Variants in COL5A1 observed in about 807,000 individuals in gnomAD.
COL5A1 encodes the protein collagen type V alpha 1 chain.
COL5A1 carries 16 observed loss-of-function variants against 263.7 expected under a neutral mutation model. The ratio of observed to expected loss-of-function variants is 0.06; its 90% CI spans 0.04 to 0.09. COL5A1 has a LOEUF of 0.09. Among genes scored for constraint, COL5A1 ranks in the 10% least tolerant of loss-of-function variants. The pLI is 1.00. For synonymous variants in COL5A1, 1,012 were observed against 1,004.5 expected, an observed-to-expected ratio of 1.01 and a Z score of -0.14; for missense variants, 2,036 against 2,540.5, an observed-to-expected ratio of 0.80 and a Z score of 4.27.
At chr9:134,835,288 C>A in intron 65 of COL5A1, 84 bp downstream of exon 65, 2 of 1,271,354 alleles carry the variant, frequency 1.6e-6, no homozygotes, top group Non-Finnish European at 2.2e-6. Context: ...TACCTGTCCC[C>A]AAGATGCCTG....
chr9:134,752,653 A>T lies in COL5A1; in HGVS notation c.1719+8A>T, dbSNP rs747192480. On this transcript the variant is annotated splice_region_variant and intron_variant, in intron 14 of 65. Transcript: ENST00000371817. ...GGGAGACCTGGCCCTGTGGTAAGTC[A>T]TTGGCAAATCTGAGAGCTGGGCGTG... The T allele has an allele frequency of 1.2e-6, 2 of 1,610,226 alleles. No homozygotes were observed. Among genetic ancestry groups the T allele is most frequent in the South Asian group, 1.1e-5 (1 of 90,984 alleles).
chr9:134,758,144 G>C lies in COL5A1; in HGVS notation c.1882-99G>C. 8.2e-7 allele frequency: 1 copy of C among 1,216,928 alleles called. No homozygotes were observed. Among genetic ancestry groups the C allele is most frequent in the Admixed American group, 1.7e-5 (1 of 59,216 alleles). The allele number at this position is 1,216,928 out of a possible 1,614,324, so 75.4% of individuals were successfully genotyped here. ...AGGGTGCATAGATGCTGTGTGAAAC[G>C]TGGTCCAAGGCGGGGCGGCCATCAC... On this transcript the variant is annotated intron_variant, in intron 17 of 65. Coordinates refer to ENST00000371817, the MANE Select transcript of COL5A1 (RefSeq NM_000093.5). The surrounding 1 kb of genome is among the most constrained non-coding windows in gnomAD (Gnocchi z 4.1).
intron 32 of COL5A1, among the ~76,000 whole-genome samples, chr9:134,790,046 C>A (rs1053861401): frequency 3.9e-5 from 6 of 152,180 alleles, no homozygotes; most frequent in Non-Finnish European, 5.9e-5. Context: ...TGCCTTGTAG[C>A]CCCAGCCATG....
chr9:134,720,022 T>C (rs1834397162), intron 4 of COL5A1, among the ~76,000 whole-genome samples: 1 of 152,138 alleles, frequency 6.6e-6, no homozygotes, highest in South Asian at 2.1e-4. Context: ...TCAGGCTGCT[T>C]GGAGGTTCTT....
intron 39 of COL5A1, among the ~76,000 whole-genome samples, chr9:134,803,331 C>T (rs904522645): frequency 2.6e-5 from 4 of 152,154 alleles, no homozygotes; most frequent in African/African-American, 4.8e-5. Flanking sequence ...AGAAAGTGGT[C>T]CTTTTAAAAA....
At chr9:134,780,278 T>C in intron 28 of COL5A1, 132 bp downstream of exon 28, 4 of 868,872 alleles carry the variant, frequency 4.6e-6, no homozygotes, top group Non-Finnish European at 7.8e-6. Context: ...CTGAGGGGGA[T>C]GGATGCCACT....
At chr9:134,644,590 G>A (rs868033045) in intron 1 of COL5A1, among the ~76,000 whole-genome samples, 2 of 70,820 alleles carry the variant, frequency 2.8e-5, no homozygotes, top group South Asian at 3.1e-4. Flanking sequence ...AGGCAGGCGC[G>A]GGGGGGAGCC....
At chr9:134,771,392 A>G (rs1388749528) in intron 25 of COL5A1, among the ~76,000 whole-genome samples, 1 of 152,190 alleles carries the variant, frequency 6.6e-6, no homozygotes, top group South Asian at 2.1e-4. Context: ...TGTTTCCGGA[A>G]GGCGGCGTGG....
At chr9:134,812,847 CCT>C (rs759377992) in intron 48 of COL5A1, 135 bp downstream of exon 48, 34 of 723,786 alleles carry the variant, frequency 4.7e-5, no homozygotes, top group Non-Finnish European at 6.7e-5. Flanking sequence ...CGTGTGTGTA[CCT>C]CTCTGTGTGT....
Position 134,843,864 on chromosome 9 carries a change from A to G in COL5A1, c.*1561A>G, listed in dbSNP as rs1830171548. Reference sequence around the variant, plus strand: ...AGTAGCCTATTTGGATTCCCATCTCAAATGTCCTGGATGCGAGCGTCAGCG... The same window carrying G: ...AGTAGCCTATTTGGATTCCCATCTCGAATGTCCTGGATGCGAGCGTCAGCG... On this transcript the variant is annotated 3_prime_UTR_variant, in exon 66 of 66. Coordinates refer to ENST00000371817, the MANE Select transcript of COL5A1 (RefSeq NM_000093.5). The G allele has an allele frequency of 6.6e-6, 1 of 152,578 alleles. No individual in the cohort carries two copies. The highest frequency in any genetic ancestry group is 2.4e-5 in the African/African-American group (1 of 41,434). The allele number at this position is 152,578 out of a possible 1,614,324, so 9.5% of individuals were successfully genotyped here.
At position 134,761,949 on chromosome 9, in the gene COL5A1, C is replaced by T. The variant is rs1227415768; in HGVS notation, c.1960C>T (p.Pro654Ser). The T allele has an allele frequency of 1.9e-6, 3 of 1,613,400 alleles. No individual in the cohort carries two copies. Among genetic ancestry groups the T allele is most frequent in the African/African-American group, 2.7e-5 (2 of 74,916 alleles). Residue 654 changes from proline to serine, a missense_variant, in exon 19 of 66, where the codon CCA becomes TCA. This residue lies in a region of COL5A1 where 1,078 missense variants were observed against 1,521.4 expected (regional missense o/e 0.71). Coordinates refer to ENST00000371817, the MANE Select transcript of COL5A1 (RefSeq NM_000093.5). ...GGGTGACCCTGGTCCTTCCGGCCCA[C>T]CAGGACCTCCGGGAGACGATGGAGA... is the stretch of plus-strand genomic sequence containing the variant. ...HRGDPGPSGP[P>S]GPPGDDGERG...
chr9:134,814,164 G>C, intron 49 of COL5A1, 128 bp downstream of exon 49: 1 of 925,058 alleles, frequency 1.1e-6, no homozygotes, highest in Admixed American at 2.3e-5. Flanking sequence ...AACCCCTCTT[G>C]TGCCCATTTC....
intron 18 of COL5A1, among the ~76,000 whole-genome samples, chr9:134,761,124 CT>C (rs757640876): frequency 7.3e-5 from 11 of 150,654 alleles, no homozygotes; most frequent in Non-Finnish European, 1.5e-4. Context: ...CACATGCACA[CT>C]CATACCCCCA....
intron 62 of COL5A1, 104 bp from the exon 63 acceptor site, chr9:134,825,688 G>T (rs1002895372): frequency 1.4e-6 from 1 of 731,424 alleles, no homozygotes; most frequent in Non-Finnish European, 2.5e-6. Flanking sequence ...TTCCTGGGGC[G>T]TGCATTTTAA....
intron 1 of COL5A1, among the ~76,000 whole-genome samples, chr9:134,654,823 A>C (rs1190481282): frequency 9.7e-6 from 1 of 102,860 alleles, no homozygotes; most frequent in Non-Finnish European, 1.9e-5. Context: ...CGGGGTTTGT[A>C]GTGCTGGTGG....
chr9:134,643,921 G>A (rs1345646560), intron 1 of COL5A1, among the ~76,000 whole-genome samples: 3 of 152,052 alleles, frequency 2.0e-5, no homozygotes, highest in African/African-American at 4.8e-5. Context: ...TTCCCTCCCT[G>A]CCCATCTCCC....
rs901290605 is a variant in COL5A1 at position 134,754,749 on chromosome 9, G to A, written c.1827+423G>A. 1.3e-5 allele frequency among the ~76,000 whole-genome samples: 2 copies of A among 152,120 alleles called. No individual in the cohort carries two copies. The highest frequency in any genetic ancestry group is 2.9e-5 in the Non-Finnish European group (2 of 68,028). ...GCTGTCTTGCCTCCTGGAATTTTCT[G>A]TCTGGTGCATGGTTCTCCTGGATGG... On this transcript the variant is annotated intron_variant, in intron 16 of 65. Coordinates refer to ENST00000371817, the MANE Select transcript of COL5A1 (RefSeq NM_000093.5). The surrounding 1 kb of genome is among the most constrained non-coding windows in gnomAD (Gnocchi z 4.3).
chr9:134,759,257 C>CGT (rs1554793871), intron 18 of COL5A1, among the ~76,000 whole-genome samples: 26 of 118,684 alleles, frequency 2.2e-4, no homozygotes, highest in African/African-American at 1.1e-3. Flanking sequence ...CACATGTGTG[C>CGT]GCGCACACAC....
chr9:134,822,940 A>T (rs1342339348), intron 59 of COL5A1, 58 bp from the exon 60 acceptor site: 2 of 1,605,226 alleles, frequency 1.2e-6, no homozygotes, highest in East Asian at 2.2e-5. Flanking sequence ...GACATGGAGC[A>T]CGGTGGGGCT....
Sources: gnomAD v4.1 joint callset for allele counts (sites outside exome capture counted in the v4.1 genomes callset) on GRCh38, gnomAD v4.1.1 for gene constraint, gnomAD v4.1.1 regional missense constraint, Gnocchi (gnomAD v3.1) non-coding constraint, MANE v1.5 for transcripts, NCBI Gene and HGNC (gene_info 2026-07-23, HGNC 2026-07-21) for gene names.